The following RNF128 variants were observed in gnomAD, a reference collection of about 807,000 sequenced individuals.
The protein encoded by RNF128 is ring finger protein 128.
A neutral mutation model predicts 26.2 loss-of-function variants in RNF128; 13 were observed. The ratio of observed to expected loss-of-function variants is 0.50; its 90% CI spans 0.32 to 0.79. The LOEUF (loss-of-function observed/expected upper bound fraction) is 0.79. RNF128 is among the 30% of genes least tolerant of loss of function. The probability of loss-of-function intolerance (pLI) is 0.03; values close to 1 mark genes in which losing one functional copy is unlikely to be tolerated. For missense variants in RNF128, 315 were observed against 349.7 expected (o/e 0.90, Z 0.79); for synonymous variants, 149 against 142.5 (o/e 1.05, Z -0.32).
Position 106,717,163 on chromosome X carries a change from A to G in RNF128, c.406+22755A>G, listed in dbSNP as rs374818030. On this transcript the variant is annotated intron_variant, in intron 1 of 6. Coordinates refer to the RNF128 transcript ENST00000324342. ...GCTCGCAGTGAGCCGAGATCGCCTC[A>G]CTGCACTCAAGCCTGGGCGACAGAG... Among the ~76,000 whole-genome samples, 19 of 109,295 alleles carry G rather than the reference A, an allele frequency of 1.7e-4. No homozygotes were observed. In the East Asian group the frequency reaches 2.0e-3, roughly 12 times the overall value. The allele number at this position is 109,295 out of a possible 115,157, so 94.9% of individuals were successfully genotyped here.
intron 1 of RNF128, among the ~76,000 whole-genome samples, chrX:106,713,150 G>T (rs1929158573): frequency 9.3e-6 from 1 of 107,243 alleles, no homozygotes; most frequent in African/African-American, 3.4e-5. Flanking sequence ...GGCACCCAAA[G>T]TGCTGGGATT....
rs980422322 is a variant in RNF128, at chrX:106,785,205, G to A, written c.804+69G>A. The A allele has an allele frequency of 4.4e-5, 36 of 824,313 alleles. No individual in the cohort carries two copies. The Admixed American group carries it at 1.0e-3, about 23-fold the overall frequency. The allele number at this position is 824,313 out of a possible 1,213,427, so 67.9% of individuals were successfully genotyped here. ...TACCAAGCCATTGTTCAGGCTAAAT[G>A]TTCTTCCTAAGTATGCTTTTATTGG... On this transcript the variant is annotated intron_variant, in intron 3 of 6. Transcript: ENST00000255499.
At position 106,734,361 on chromosome X, in the gene RNF128, T is replaced by TGATC. The variant is rs1262233697; in HGVS notation, c.484+6965_484+6968dup. 7.1e-5 allele frequency among the ~76,000 whole-genome samples: 8 copies of TGATC among 112,123 alleles called. No homozygotes were observed. In the South Asian group the frequency reaches 3.0e-3, roughly 42 times the overall value. ...TGTGGCCTTGGTATTTCTTAGGGTT[T>TGATC]GATCACCACTTGTGCTTCAGTTCAT... On this transcript the variant is annotated intron_variant, in intron 1 of 6. Transcript: ENST00000255499.
chrX:106,721,701 T>C (rs1017025569), upstream of RNF128, among the ~76,000 whole-genome samples: 2 of 111,985 alleles, frequency 1.8e-5, no homozygotes, highest in African/African-American at 6.5e-5. Context: ...ACTTTCTCTT[T>C]TTGGTATAAA....
chrX:106,694,360 T>C (rs12851744), exon 1 of RNF128: 1 of 1,206,961 alleles, frequency 8.3e-7, no homozygotes, highest in East Asian at 3.0e-5. Context: ...TGTTGTGATT[T>C]ACAATGCTCC....
chrX:106,710,950 T>C (rs5962730), intron 1 of RNF128, among the ~76,000 whole-genome samples: 12,510 of 111,095 alleles, frequency 0.11, 1,742 homozygotes, highest in African/African-American at 0.39. Context: ...GGACAACATA[T>C]GCAGCTGAAC....
At chrX:106,768,514 T>C (rs1930297508) in intron 1 of RNF128, among the ~76,000 whole-genome samples, 1 of 112,201 alleles carries the variant, frequency 8.9e-6, no homozygotes, top group African/African-American at 3.2e-5. Flanking sequence ...GAGGGGTTTA[T>C]AGTATTCTCT....
intron 1 of RNF128, among the ~76,000 whole-genome samples, chrX:106,732,662 G>A: frequency 8.9e-6 from 1 of 111,807 alleles, no homozygotes. Flanking sequence ...GAGCATACAG[G>A]AATAGAGTGT....
At chrX:106,737,575 A>G (rs1008531058) in intron 1 of RNF128, among the ~76,000 whole-genome samples, 13 of 112,009 alleles carry the variant, frequency 1.2e-4, no homozygotes, top group African/African-American at 3.9e-4. Flanking sequence ...AAGTCTGTAC[A>G]TGTTCAGTAC....
chrX:106,694,207 A>C, exon 1 of RNF128: 1 of 1,209,684 alleles, frequency 8.3e-7, no homozygotes, highest in Admixed American at 2.2e-5. Context: ...AGTGGTAGGC[A>C]TCCCTAAGAA....
chrX:106,777,748 T>C (rs940708312), intron 2 of RNF128, among the ~76,000 whole-genome samples: 7 of 111,413 alleles, frequency 6.3e-5, no homozygotes. Flanking sequence ...GGCGGGTGGA[T>C]CGCTTGAGCC....
At chrX:106,782,719 G>C (rs747331066) in intron 2 of RNF128, among the ~76,000 whole-genome samples, 1 of 111,919 alleles carries the variant, frequency 8.9e-6, no homozygotes, top group African/African-American at 3.2e-5. Flanking sequence ...TATAACAACT[G>C]TATATTGTAA....
chrX:106,715,186 C>A (rs1929192810), intron 1 of RNF128, among the ~76,000 whole-genome samples: 1 of 112,119 alleles, frequency 8.9e-6, no homozygotes, highest in South Asian at 3.8e-4. Flanking sequence ...TCCAGCTTCT[C>A]CACATCCTTA....
chrX:106,788,668 T>G (rs1172519627), intron 4 of RNF128, among the ~76,000 whole-genome samples: 1 of 66,605 alleles, frequency 1.5e-5, no homozygotes, highest in Admixed American at 2.7e-4. Flanking sequence ...ATATACTATA[T>G]AATATAGTAT....
At chrX:106,715,660 T>C in intron 1 of RNF128, among the ~76,000 whole-genome samples, 1 of 112,223 alleles carries the variant, frequency 8.9e-6, no homozygotes, top group South Asian at 3.8e-4. Context: ...AGAGAGCTTT[T>C]AGCAGGTATC....
At chrX:106,758,374 T>C (rs1168624765) in intron 1 of RNF128, among the ~76,000 whole-genome samples, 1 of 111,959 alleles carries the variant, frequency 8.9e-6, no homozygotes, top group Admixed American at 9.5e-5. Flanking sequence ...ACAGATTTAA[T>C]GCAATCCCTA....
At chrX:106,725,996 T>C (rs936377415), upstream of RNF128, among the ~76,000 whole-genome samples, 19 of 113,163 alleles carry the variant, frequency 1.7e-4, no homozygotes, top group Middle Eastern at 4.2e-3. Flanking sequence ...ATTATGTAGT[T>C]AAGGTCATGA....
At chrX:106,730,756 G>A (rs1047523605) in intron 1 of RNF128, among the ~76,000 whole-genome samples, 8 of 110,758 alleles carry the variant, frequency 7.2e-5, no homozygotes, top group Non-Finnish European at 7.6e-5. Flanking sequence ...CATTTACAAC[G>A]TTATGCATAA....
At chrX:106,765,377 A>G (rs1930200243) in intron 1 of RNF128, among the ~76,000 whole-genome samples, 1 of 112,217 alleles carries the variant, frequency 8.9e-6, no homozygotes, top group South Asian at 3.7e-4. Context: ...TTGATTAACA[A>G]TTTTACTGTG....
Sources: allele counts gnomAD v4.1 joint callset (sites outside exome capture counted in the v4.1 genomes callset), GRCh38; gene constraint gnomAD v4.1.1; transcripts MANE v1.5; gene names NCBI Gene and HGNC (gene_info 2026-07-23, HGNC 2026-07-21).